Variants in EIF2B3 observed in about 807,000 individuals in gnomAD.
EIF2B3 encodes the protein translation initiation factor eIF2B subunit gamma.
A neutral mutation model predicts 54.1 loss-of-function variants in EIF2B3; 20 were observed. The ratio of observed to expected loss-of-function variants is 0.37; its 90% confidence interval spans 0.26 to 0.54. The LOEUF is 0.54. Ranked by LOEUF, EIF2B3 falls within the 20% of genes least tolerant of loss-of-function variation. The pLI is 0.86. For synonymous variants in EIF2B3, 153 were observed against 188.1 expected, an observed-to-expected ratio of 0.81 and a Z score of 1.52; for missense variants, 448 against 547.8, an observed-to-expected ratio of 0.82 and a Z score of 1.82.
rs57964686 is a variant in EIF2B3, at chr1:44,978,621, C to CTTTTTT, written c.149-167_149-162dup. Reference sequence around the variant, plus strand: ...TTTACCTGCATTCCCCCAATAAATTCTTTTTTTTTTTTTTTTTTTTTTTTT... The same window carrying CTTTTTT: ...TTTACCTGCATTCCCCCAATAAATTCTTTTTTTTTTTTTTTTTTTTTTTTTTTTTTT... On this transcript the variant is annotated intron_variant, in intron 2 of 11. Coordinates refer to ENST00000360403, the MANE Select transcript of EIF2B3 (RefSeq NM_020365.5). 2.9e-4 allele frequency among the ~76,000 whole-genome samples: 22 copies of CTTTTTT among 76,636 alleles called. 2 individuals carry two copies. Among genetic ancestry groups the CTTTTTT allele is most frequent in the African/African-American group, 5.2e-4 (8 of 15,320 alleles). The allele number at this position is 76,636 out of a possible 152,430, so 50.3% of individuals were successfully genotyped here.
At chr1:44,918,826 G>C (rs1627320) in intron 5 of EIF2B3, among the ~76,000 whole-genome samples, 38,606 of 151,970 alleles carry the variant, frequency 0.25, 6,170 homozygotes, top group African/African-American at 0.46. Flanking sequence ...TTCCTTATGC[G>C]TTTTACCTTC....
chr1:44,982,648 G>A (rs1330650024), intron 1 of EIF2B3, among the ~76,000 whole-genome samples: 5 of 151,932 alleles, frequency 3.3e-5, no homozygotes, highest in African/African-American at 1.2e-4. Flanking sequence ...TGCCCAGTCT[G>A]GAAGTGCAGT....
At chr1:44,986,142 T>TC (rs797016822) in intron 1 of EIF2B3, among the ~76,000 whole-genome samples, 21 of 108,546 alleles carry the variant, frequency 1.9e-4, no homozygotes, top group African/African-American at 5.7e-4. Context: ...TCTTTTCTTT[T>TC]TTTTTTTTTT....
intron 1 of EIF2B3, among the ~76,000 whole-genome samples, chr1:44,981,897 T>C (rs1644517364): frequency 7.2e-6 from 1 of 139,244 alleles, no homozygotes; most frequent in East Asian, 2.2e-4. Context: ...AGATTGAGAT[T>C]GGACCACTGC....
intron 10 of EIF2B3, among the ~76,000 whole-genome samples, chr1:44,874,181 A>G (rs923135791): frequency 6.6e-6 from 1 of 152,158 alleles, no homozygotes; most frequent in African/African-American, 2.4e-5. Context: ...AGTTAATAAC[A>G]GTCTTGTTTT....
chr1:44,970,671 T>C (rs888010670), intron 3 of EIF2B3, among the ~76,000 whole-genome samples: 1 of 152,230 alleles, frequency 6.6e-6, no homozygotes, highest in South Asian at 2.1e-4. Context: ...TCTTAGGCTG[T>C]CTCACTTTCT....
chr1:44,864,682 CTATAT>C (rs1654714126), intron 10 of EIF2B3, among the ~76,000 whole-genome samples: 2 of 152,248 alleles, frequency 1.3e-5, no homozygotes, highest in Middle Eastern at 3.4e-3. Context: ...TCTTCCTTGG[CTATAT>C]TATGTCTTCA....
chr1:44,969,890 A>G (rs959427570), intron 3 of EIF2B3: 1 of 152,246 alleles, frequency 6.6e-6, no homozygotes, highest in Non-Finnish European at 1.5e-5. Context: ...TGATTTATCA[A>G]CAAATATGAA....
chr1:44,958,967 C>T lies in EIF2B3; in HGVS notation c.295-17302G>A, dbSNP rs1227772288. On this transcript the variant is annotated intron_variant, in intron 3 of 11. Transcript: ENST00000360403. Reference sequence around the variant, plus strand: ...TACAAAGCGAGGATGTAGAATTGACCTCTATGAAAGGGGAAGTCACCTCCA... The same window carrying T: ...TACAAAGCGAGGATGTAGAATTGACTTCTATGAAAGGGGAAGTCACCTCCA... The T allele has an allele frequency of 3.9e-6, 3 of 770,412 alleles. No homozygotes were observed. The African/African-American group carries it at 5.2e-5, about 13-fold the overall frequency. 47.7% of individuals were successfully genotyped at this position (770,412 alleles called of 1,614,324 possible).
chr1:44,854,153 C>T (rs1355233733), intron 11 of EIF2B3, among the ~76,000 whole-genome samples: 2 of 152,012 alleles, frequency 1.3e-5, no homozygotes, highest in African/African-American at 4.8e-5. Flanking sequence ...CAGGTGTGTG[C>T]CATCACACAC....
At chr1:44,889,083 G>C (rs1347647280) in intron 6 of EIF2B3, among the ~76,000 whole-genome samples, 1 of 152,166 alleles carries the variant, frequency 6.6e-6, no homozygotes, top group Non-Finnish European at 1.5e-5. Context: ...TGATATCTGT[G>C]TGACCTTTAC....
chr1:44,877,210 A>AAAAAAC (rs1655217223), intron 8 of EIF2B3, among the ~76,000 whole-genome samples: 3 of 148,774 alleles, frequency 2.0e-5, no homozygotes, highest in Non-Finnish European at 4.5e-5. Flanking sequence ...AAAAAAAAAA[A>AAAAAAC]AAAAAAAAAA....
intron 1 of EIF2B3, among the ~76,000 whole-genome samples, chr1:44,985,566 G>A (rs1293572523): frequency 6.6e-6 from 1 of 152,214 alleles, no homozygotes; most frequent in East Asian, 1.9e-4. Context: ...ATGAGGACCT[G>A]TGAACTTCAC....
intron 4 of EIF2B3, among the ~76,000 whole-genome samples, chr1:44,929,106 TTAAA>T (rs1253827255): frequency 2.0e-5 from 3 of 152,192 alleles, no homozygotes; most frequent in Admixed American, 2.0e-4. Flanking sequence ...AACTAAAACA[TTAAA>T]TAAAATGTTA....
At chr1:44,983,206 A>G (rs1644533149) in intron 1 of EIF2B3, among the ~76,000 whole-genome samples, 1 of 152,236 alleles carries the variant, frequency 6.6e-6, no homozygotes, top group African/African-American at 2.4e-5. Flanking sequence ...GAGCCACTGC[A>G]CCTGACCGAT....
chr1:44,930,816 T>C (rs1264994516), intron 4 of EIF2B3, among the ~76,000 whole-genome samples: 2 of 152,202 alleles, frequency 1.3e-5, no homozygotes, highest in African/African-American at 2.4e-5. Context: ...AATTTTTGTA[T>C]TTTTAGTAGA....
At chr1:44,943,399 T>C (rs554425509) in intron 3 of EIF2B3, among the ~76,000 whole-genome samples, 2 of 149,796 alleles carry the variant, frequency 1.3e-5, no homozygotes, top group East Asian at 2.0e-4. Flanking sequence ...TCTATATCTA[T>C]ATCTATATCT....
chr1:44,952,303 T>C (rs1484788564), intron 3 of EIF2B3, among the ~76,000 whole-genome samples: 1 of 151,446 alleles, frequency 6.6e-6, no homozygotes, highest in Non-Finnish European at 1.5e-5. Context: ...TTTCGCCATT[T>C]TGGCCAGGCT....
intron 3 of EIF2B3, among the ~76,000 whole-genome samples, chr1:44,943,522 T>A (rs1557697845): frequency 6.6e-6 from 1 of 151,458 alleles, no homozygotes; most frequent in Non-Finnish European, 1.5e-5. Context: ...TGGGCTCAAG[T>A]GATCCTCCCA....
Sources: gnomAD v4.1 joint callset for allele counts (sites outside exome capture counted in the v4.1 genomes callset) on GRCh38, gnomAD v4.1.1 for gene constraint, MANE v1.5 for transcripts, NCBI Gene and HGNC (gene_info 2026-07-23, HGNC 2026-07-21) for gene names.